CELF2: variants seen among roughly 807,000 people sequenced by gnomAD.
CELF2 encodes CUG triplet repeat RNA-binding protein 2.
In CELF2, 8 loss-of-function variants were observed where a neutral mutation model predicts 62.6. The ratio of observed to expected loss-of-function variants is 0.13; its 90% confidence interval spans 0.07 to 0.23. The LOEUF (loss-of-function observed/expected upper bound fraction) is 0.23, where lower values mean the gene tolerates loss of function less well. Among genes scored for constraint, CELF2 ranks in the 10% least tolerant of loss-of-function variants. The probability of loss-of-function intolerance (pLI) is 1.00; values close to 1 mark genes in which losing one functional copy is unlikely to be tolerated. For missense variants in CELF2, 333 were observed against 671.0 expected (o/e 0.50, Z 5.56); for synonymous variants, 258 against 250.0 (o/e 1.03, Z -0.30).
chr10:11,302,950 A>G lies in CELF2; in HGVS notation c.977-11189A>G, dbSNP rs2093905977. On this transcript the variant is annotated intron_variant, in intron 9 of 12. Transcript: ENST00000633077. This position sits in a 1 kb window ranked among gnomAD's most constrained non-coding sequence, Gnocchi z 5.0. ...TTTGGCACAACAATAAGAGCTTTTCAATAGTTGGCTTTTTGGACCTTGTGG... is the reference window on the plus strand; with the variant it reads ...TTTGGCACAACAATAAGAGCTTTTCGATAGTTGGCTTTTTGGACCTTGTGG... Among the ~76,000 whole-genome samples, 1 of 152,140 alleles carries G rather than the reference A, an allele frequency of 6.6e-6. No individual in the cohort carries two copies. The highest frequency in any genetic ancestry group is 2.4e-5 in the African/African-American group (1 of 41,428).
At chr10:10,613,851 C>T in the CELF2 span, among the ~76,000 whole-genome samples, 1 of 152,090 alleles carries the variant, frequency 6.6e-6, no homozygotes. Flanking sequence ...CTTTGGAGTA[C>T]CATAACCTCC....
At chr10:11,114,950 C>A (rs974309331) in intron 1 of CELF2, among the ~76,000 whole-genome samples, 4 of 151,956 alleles carry the variant, frequency 2.6e-5, no homozygotes, top group African/African-American at 9.7e-5. Context: ...TTTAGTATCC[C>A]CACTGGCTTC....
chr10:10,753,236 TA>T, the CELF2 span, among the ~76,000 whole-genome samples: 1 of 152,120 alleles, frequency 6.6e-6, no homozygotes, highest in Non-Finnish European at 1.5e-5. Context: ...TATGTCTCTT[TA>T]ATTATCAAGG....
At position 11,249,138 on chromosome 10, in the gene CELF2, C is replaced by T. The variant is rs2076422472; in HGVS notation, c.355-15C>T. ...TGTTCAATCTGCCTTTACTTTCTCC[C>T]TTTTGTGTTTTTAGATGCATCATCC... On this transcript the variant is annotated splice_polypyrimidine_tract_variant and intron_variant, in intron 3 of 12. Transcript: ENST00000633077. The T allele has an allele frequency of 1.2e-6, 2 of 1,610,570 alleles. No individual in the cohort carries two copies. Among genetic ancestry groups the T allele is most frequent in the African/African-American group, 1.3e-5 (1 of 74,838 alleles).
At position 10,990,829 on chromosome 10, in the gene CELF2, A is replaced by T. The variant is rs2053344551; in HGVS notation, c.89+70830A>T. ...ACTAAGTCAACATGGTTTGGGTATC[A>T]TTTGGGGTAACCTGTGTTCTCAGTG... On this transcript the variant is annotated intron_variant, in intron 2 of 13. Coordinates refer to the CELF2 transcript ENST00000636488. This position sits in a 1 kb window ranked among gnomAD's most constrained non-coding sequence, Gnocchi z 4.6. Among the ~76,000 whole-genome samples, 1 of 152,170 alleles carries T rather than the reference A, an allele frequency of 6.6e-6. No individual in the cohort carries two copies. The highest frequency in any genetic ancestry group is 2.4e-5 in the African/African-American group (1 of 41,446).
the CELF2 span, among the ~76,000 whole-genome samples, chr10:10,509,648 G>T: frequency 1.3e-5 from 2 of 152,140 alleles, no homozygotes; most frequent in Admixed American, 6.5e-5. Context: ...ATCCCAGCCT[G>T]CCCCAGGAAG....
chr10:10,762,264 G>A, the CELF2 span, among the ~76,000 whole-genome samples: 4 of 152,076 alleles, frequency 2.6e-5, no homozygotes, highest in Non-Finnish European at 4.4e-5. Context: ...AGTTCTACAG[G>A]AAGAATGGAT....
At chr10:10,756,888 A>G in the CELF2 span, among the ~76,000 whole-genome samples, 2 of 152,224 alleles carry the variant, frequency 1.3e-5, no homozygotes, top group Non-Finnish European at 2.9e-5. Context: ...TCACACCTGT[A>G]ATCTCAGCAC....
At chr10:11,013,432 C>T (rs2056782934), upstream of CELF2, among the ~76,000 whole-genome samples, 1 of 152,150 alleles carries the variant, frequency 6.6e-6, no homozygotes, top group Non-Finnish European at 1.5e-5. The surrounding 1 kb of genome is among the most constrained non-coding windows in gnomAD (Gnocchi z 4.1). Context: ...AAGCTGCAGA[C>T]CACGCTAGTG....
At chr10:10,965,378 A>C (rs1288757850) in intron 2 of CELF2, among the ~76,000 whole-genome samples, 1 of 152,332 alleles carries the variant, frequency 6.6e-6, no homozygotes, top group African/African-American at 2.4e-5. Context: ...CATGTAGGAC[A>C]CTTAAAACAG....
At chr10:10,586,498 C>T in the CELF2 span, among the ~76,000 whole-genome samples, 1 of 152,108 alleles carries the variant, frequency 6.6e-6, no homozygotes, top group African/African-American at 2.4e-5. Context: ...ATGTCATTTA[C>T]AAATTAAAAA....
the CELF2 span, among the ~76,000 whole-genome samples, chr10:10,609,428 C>T: frequency 7.8e-5 from 11 of 141,578 alleles, no homozygotes; most frequent in Non-Finnish European, 1.4e-4. Context: ...ATGTTTCTTT[C>T]GTCAAGATTT....
At chr10:10,582,658 A>G in the CELF2 span, among the ~76,000 whole-genome samples, 3 of 152,144 alleles carry the variant, frequency 2.0e-5, no homozygotes, top group Non-Finnish European at 4.4e-5. Flanking sequence ...AGCATTGTTG[A>G]GTACTCTTCA....
At chr10:10,807,363 G>A (rs565598927) in intron 1 of CELF2, among the ~76,000 whole-genome samples, 103 of 152,292 alleles carry the variant, frequency 6.8e-4, no homozygotes, top group African/African-American at 2.2e-3. Context: ...CCTTCACTCC[G>A]TAAAGTCAAC....
the CELF2 span, among the ~76,000 whole-genome samples, chr10:10,525,945 C>CATATACAATG: frequency 6.6e-6 from 1 of 152,190 alleles, no homozygotes; most frequent in African/African-American, 2.4e-5. Context: ...CCCCACCAAC[C>CATATACAATG]ATATACAATG....
At chr10:11,294,840 G>A (rs746222393) in intron 9 of CELF2, among the ~76,000 whole-genome samples, 22 of 152,312 alleles carry the variant, frequency 1.4e-4, no homozygotes, top group Admixed American at 3.3e-4. Flanking sequence ...GAATCCAGGC[G>A]GCAGAGGCTG....
chr10:11,143,031 C>A (rs1366372235), intron 1 of CELF2, among the ~76,000 whole-genome samples: 2 of 149,812 alleles, frequency 1.3e-5, no homozygotes, highest in Admixed American at 1.3e-4. Context: ...CCTTGTGATT[C>A]TTCTGTCCTC....
chr10:10,583,518 G>T, the CELF2 span, among the ~76,000 whole-genome samples: 1 of 152,170 alleles, frequency 6.6e-6, no homozygotes, highest in African/African-American at 2.4e-5. Context: ...TCTAGGGTTA[G>T]CCTGAAGTTG....
At chr10:10,665,477 A>G in the CELF2 span, among the ~76,000 whole-genome samples, 1 of 152,154 alleles carries the variant, frequency 6.6e-6, no homozygotes, top group African/African-American at 2.4e-5. Context: ...TGAATTACCT[A>G]TTCAATTATC....
Sources: allele counts gnomAD v4.1 joint callset (sites outside exome capture counted in the v4.1 genomes callset), GRCh38; gene constraint gnomAD v4.1.1; non-coding constraint Gnocchi (gnomAD v3.1); transcripts MANE v1.5; gene names NCBI Gene and HGNC (gene_info 2026-07-23, HGNC 2026-07-21).